The following ANK2 variants were observed in gnomAD, a reference collection of about 807,000 sequenced individuals.
ANK2 encodes the protein ankyrin 2.
ANK2 carries 83 observed loss-of-function variants against 360.5 expected under a neutral mutation model. The ratio of observed to expected loss-of-function variants is 0.23; its 90% CI spans 0.19 to 0.28. The LOEUF (loss-of-function observed/expected upper bound fraction) is 0.28, where lower values mean the gene tolerates loss of function less well. ANK2 is among the 10% of genes least tolerant of loss of function. The pLI is 1.00. For synonymous variants in ANK2, 1,740 were observed against 1,759.5 expected (o/e 0.99, Z 0.28); for missense variants, 4,201 against 4,795.7 (o/e 0.88, Z 3.66).
intron 4 of ANK2, among the ~76,000 whole-genome samples, chr4:113,210,362 C>CA (rs1384600145): frequency 6.6e-6 from 1 of 151,872 alleles, no homozygotes; most frequent in Non-Finnish European, 1.5e-5. Context: ...AGGCATATGT[C>CA]AAAAAAACTG....
chr4:113,311,826 T>C lies in ANK2; in HGVS notation c.2693+427T>C, dbSNP rs114266013. On this transcript the variant is annotated intron_variant, in intron 24 of 45. Transcript: ENST00000357077. ...TAACATAATTTCTGTGAATAAAGTA[T>C]GTTGTGAGGCTGAATTAAAAAGAAA... Among the ~76,000 whole-genome samples, 385 of 152,298 alleles carry C rather than the reference T, an allele frequency of 2.5e-3. 3 individuals are homozygous for C. The highest frequency in any genetic ancestry group is 8.9e-3 in the African/African-American group (368 of 41,578).
Position 113,317,658 on chromosome 4 carries a change from C to T in ANK2, c.2694-49C>T, listed in dbSNP as rs772730640. The T allele has an allele frequency of 2.8e-5, 40 of 1,447,066 alleles. No individual in the cohort carries two copies. The South Asian group carries it at 4.1e-4, about 15-fold the overall frequency. 89.6% of individuals were successfully genotyped at this position (1,447,066 alleles called of 1,614,324 possible). A position where few individuals can be genotyped will look rare whatever the true frequency, so the allele number is the denominator to read the frequency against. Reference sequence around the variant, plus strand: ...TCGGCTCATCATTTTGTCATCCCAACCCTGCTACTGCTGTTGGTATATGCC... The same window carrying T: ...TCGGCTCATCATTTTGTCATCCCAATCCTGCTACTGCTGTTGGTATATGCC... On this transcript the variant is annotated intron_variant, in intron 24 of 45. Coordinates refer to ENST00000357077, the MANE Select transcript of ANK2 (RefSeq NM_001148.6).
rs955072067 is a variant in ANK2 at position 113,326,158 on chromosome 4, C to T, written c.2901-4088C>T. On this transcript the variant is annotated intron_variant, in intron 26 of 45. Coordinates refer to ENST00000357077, the MANE Select transcript of ANK2 (RefSeq NM_001148.6). The stretch of plus-strand genomic sequence containing the variant: ...TTACAATTTTTTTTATGCTTATTTG[C>T]AGTTGTTTTTTACGTGGTAGAATAC... Among the ~76,000 whole-genome samples the T allele has an allele frequency of 6.6e-5, 10 of 152,218 alleles. 1 individual carries two copies. Among genetic ancestry groups the T allele is most frequent in the Admixed American group, 5.9e-4 (9 of 15,270 alleles).
At chr4:113,304,582 C>T (rs1205773538) in intron 23 of ANK2, among the ~76,000 whole-genome samples, 1 of 152,096 alleles carries the variant, frequency 6.6e-6, no homozygotes, top group East Asian at 1.9e-4. Flanking sequence ...ATTATCTTTT[C>T]TTAGAATATA....
chr4:113,257,925 G>C (rs2050398308), intron 11 of ANK2, 125 bp from the exon 12 acceptor site: 2 of 966,740 alleles, frequency 2.1e-6, no homozygotes, highest in East Asian at 2.6e-5. Context: ...TCCAACACCT[G>C]CAGGGATTGA....
chr4:112,997,857 A>G (rs771257230), intron 2 of ANK2, among the ~76,000 whole-genome samples: 8 of 151,346 alleles, frequency 5.3e-5, no homozygotes, highest in Non-Finnish European at 1.2e-4. Context: ...ATACACACAC[A>G]CATATATATA....
At chr4:112,811,278 A>G in the ANK2 span, among the ~76,000 whole-genome samples, 1 of 152,040 alleles carries the variant, frequency 6.6e-6, no homozygotes. Flanking sequence ...CACCTTCTGG[A>G]TTTATATGAT....
chr4:113,109,192 G>A (rs552121643), intron 1 of ANK2, among the ~76,000 whole-genome samples: 4 of 152,236 alleles, frequency 2.6e-5, no homozygotes, highest in South Asian at 2.1e-4. Context: ...TCCCAACTAA[G>A]TGATACTACT....
At position 113,123,094 on chromosome 4, in the gene ANK2, C is replaced by T. The variant is rs6846686; in HGVS notation, c.85-51322C>T. The stretch of plus-strand genomic sequence containing the variant: ...AAAAGAAAATTTTAATTGAAAAAAG[C>T]TACTATGAGGGATTGACTTATTTTT... On this transcript the variant is annotated intron_variant, in intron 1 of 45. Coordinates refer to ENST00000357077, the MANE Select transcript of ANK2 (RefSeq NM_001148.6). Among the ~76,000 whole-genome samples the T allele has an allele frequency of 9.1e-3, 1,385 of 151,794 alleles. 32 individuals carry two copies. Among genetic ancestry groups the T allele is most frequent in the African/African-American group, 0.032 (1,325 of 41,476 alleles).
At chr4:113,018,902 TG>T (rs2057348109) in intron 2 of ANK2, among the ~76,000 whole-genome samples, 1 of 152,230 alleles carries the variant, frequency 6.6e-6, no homozygotes, top group Non-Finnish European at 1.5e-5. Context: ...TAATCCTCTG[TG>T]GTCATCTAAT....
At chr4:113,306,090 G>A (rs1027934404) in intron 23 of ANK2, among the ~76,000 whole-genome samples, 1 of 152,164 alleles carries the variant, frequency 6.6e-6, no homozygotes, top group East Asian at 1.9e-4. Context: ...GTTTCGGAAA[G>A]CTCTATAACT....
chr4:113,009,950 A>ACACACT (rs1222294129), intron 2 of ANK2, among the ~76,000 whole-genome samples: 1 of 137,014 alleles, frequency 7.3e-6, no homozygotes, highest in East Asian at 2.1e-4. Context: ...ACACACACTC[A>ACACACT]CACACACGTG....
chr4:113,294,405 G>A (rs1250015641), intron 22 of ANK2, among the ~76,000 whole-genome samples: 3 of 152,276 alleles, frequency 2.0e-5, no homozygotes, highest in East Asian at 3.9e-4. Context: ...AGAACAGTAC[G>A]ACATGAGAAG....
intron 1 of ANK2, among the ~76,000 whole-genome samples, chr4:112,862,654 A>T (rs953959131): frequency 1.3e-5 from 2 of 152,202 alleles, no homozygotes; most frequent in Non-Finnish European, 2.9e-5. Flanking sequence ...TTAAATACTC[A>T]AATGTGTGCT....
At chr4:112,777,317 C>CA in the ANK2 span, among the ~76,000 whole-genome samples, 3 of 151,990 alleles carry the variant, frequency 2.0e-5, no homozygotes, top group Non-Finnish European at 2.9e-5. Context: ...CAGCTCACTG[C>CA]AAGCTCCGCC....
intron 1 of ANK2, among the ~76,000 whole-genome samples, chr4:112,842,713 CCTGCTGTGCGGCCCGCTTCCTGTTGG>C (rs1169424128): frequency 5.9e-5 from 9 of 152,210 alleles, no homozygotes; most frequent in Non-Finnish European, 1.0e-4. Context: ...CCGCTCAGCT[CCTGCTGTGCGGCCCGCTTCCTGTTGG>C]GCCGCAGACT....
chr4:113,374,959 C>T (rs1295918734), intron 45 of ANK2: 9 of 1,101,282 alleles, frequency 8.2e-6, no homozygotes, highest in South Asian at 2.2e-5. Context: ...ATAGAAGCAT[C>T]ATCATTTGTC....
In ANK2 at chr4:113,354,970, G is replaced by A. The variant is rs777615903; in HGVS notation, c.6352G>A (p.Glu2118Lys). 2.2e-5 allele frequency: 35 copies of A among 1,613,898 alleles called. No individual in the cohort carries two copies. The South Asian group carries it at 3.6e-4, about 17-fold the overall frequency. ...SEVPKEKMAD[E>K]QGDMDLQISP... ...AGTGCCCAAAGAAAAGATGGCTGATGAGCAGGGAGACATGGATCTACAGAT... is the reference window on the plus strand; with the variant it reads ...AGTGCCCAAAGAAAAGATGGCTGATAAGCAGGGAGACATGGATCTACAGAT... The change falls in exon 38 of 46, where the codon GAG becomes AAG. Residue 2118 changes from glutamate (E) to lysine (K), a missense_variant. Glu to Lys is a moderately conservative substitution (Grantham distance 56). Transcript: ENST00000357077.
intron 30 of ANK2, 153 bp downstream of exon 30, chr4:113,336,210 G>A (rs2093507863): frequency 1.2e-6 from 1 of 806,238 alleles, no homozygotes; most frequent in Middle Eastern, 3.7e-4. Flanking sequence ...CATATTTATT[G>A]GTTACTAATC....
Sources: gnomAD v4.1 joint callset for allele counts (sites outside exome capture counted in the v4.1 genomes callset) on GRCh38, gnomAD v4.1.1 for gene constraint, MANE v1.5 for transcripts, NCBI Gene and HGNC (gene_info 2026-07-23, HGNC 2026-07-21) for gene names.